SMPD3: variants seen among roughly 807,000 people sequenced by gnomAD.
SMPD3 encodes sphingomyelin phosphodiesterase 3.
SMPD3 carries 21 observed loss-of-function variants against 55.7 expected under a neutral mutation model. That is an observed-to-expected ratio of 0.38 (90% confidence interval 0.27 to 0.54). SMPD3 has a LOEUF of 0.54. Among genes scored for constraint, SMPD3 ranks in the 20% least tolerant of loss-of-function variants. SMPD3 has a pLI of 0.80. For missense variants in SMPD3, 842 were observed against 899.6 expected, an observed-to-expected ratio of 0.94 and a Z score of 0.82; for synonymous variants, 457 against 404.3, an observed-to-expected ratio of 1.13 and a Z score of -1.56.
intron 1 of SMPD3, among the ~76,000 whole-genome samples, chr16:68,390,224 C>T (rs2090098936): frequency 6.6e-6 from 1 of 152,208 alleles, no homozygotes; most frequent in African/African-American, 2.4e-5. Flanking sequence ...ATATAATGAG[C>T]AGTGAGGACA....
intron 2 of SMPD3, among the ~76,000 whole-genome samples, chr16:68,374,237 GT>G (rs2089750408): frequency 6.6e-6 from 1 of 152,242 alleles, no homozygotes; most frequent in Non-Finnish European, 1.5e-5. Flanking sequence ...AACCCGAGGT[GT>G]GCGGAGGGGG....
At position 68,371,605 on chromosome 16, in the gene SMPD3, C is replaced by A; in HGVS notation, c.577G>T (p.Gly193Cys). The stretch of plus-strand genomic sequence containing the variant: ...GGGACGGCCCGGGCCACCCCATCGC[C>A]GCCCTGTGGTGACACCAGGCTGCTG... Reference protein sequence around the residue: ...SFSSLVSPQGGDGVARAVPGS... With the variant: ...SFSSLVSPQGCDGVARAVPGS... Residue 193 changes from glycine to cysteine, a missense_variant, in exon 3 of 9, where the codon GGC becomes TGC. By Grantham distance (159) the Gly-to-Cys change is radical. Around this residue, in one of 2 missense-constraint regions of SMPD3, gnomAD observed 649 missense variants for 643.6 expected, o/e 1.01. Coordinates refer to ENST00000219334, the MANE Select transcript of SMPD3 (RefSeq NM_018667.4). The A allele has an allele frequency of 6.4e-7, 1 of 1,567,416 alleles. No homozygotes were observed. Among genetic ancestry groups the A allele is most frequent in the Admixed American group, 1.9e-5 (1 of 53,386 alleles).
At chr16:68,363,374 T>A (rs2089373411) in intron 7 of SMPD3, 122 bp downstream of exon 7, 1 of 1,094,360 alleles carries the variant, frequency 9.1e-7, no homozygotes, top group African/African-American at 1.5e-5. Context: ...GAGGGACAGG[T>A]TTCTGCCAAA....
intron 2 of SMPD3, among the ~76,000 whole-genome samples, chr16:68,373,946 C>T (rs2089742067): frequency 1.3e-5 from 2 of 152,234 alleles, no homozygotes; most frequent in Non-Finnish European, 2.9e-5. Flanking sequence ...CTTAGAAATT[C>T]CCTCCTTAGA....
chr16:68,392,522 G>C (rs926466974), intron 1 of SMPD3, among the ~76,000 whole-genome samples: 8 of 152,152 alleles, frequency 5.3e-5, no homozygotes, highest in Non-Finnish European at 8.8e-5. Flanking sequence ...TTTAAAGGTG[G>C]TCATAAGGAT....
chr16:68,365,310 G>A (rs538372856), intron 3 of SMPD3, among the ~76,000 whole-genome samples: 16 of 152,264 alleles, frequency 1.1e-4, no homozygotes, highest in East Asian at 5.8e-4. Flanking sequence ...GGCCTGTGGC[G>A]TGGGGAGTGC....
intron 5 of SMPD3, 78 bp downstream of exon 5, chr16:68,364,673 A>G: frequency 2.0e-6 from 3 of 1,486,448 alleles, no homozygotes; most frequent in Non-Finnish European, 2.7e-6. Flanking sequence ...GAGCTGCCTA[A>G]CGAAGTCTGT....
chr16:68,370,778 ACTC>A (rs2089640410), intron 3 of SMPD3, 78 bp downstream of exon 3: 1 of 1,548,638 alleles, frequency 6.5e-7, no homozygotes, highest in Non-Finnish European at 8.7e-7. Context: ...GACGATGAGG[ACTC>A]CCCGCTGCAG....
In SMPD3 at chr16:68,365,028, T is replaced by C. The variant is rs1348177164; in HGVS notation, c.1388A>G (p.His463Arg). ...GGCGGCAACCCTACCTTGCGGGGCA[T>C]GCAGGTGTGTGCAGGCGATGTACCC... ...IVGYIACTHL[H>R]APQEDSAIRC... The change falls in exon 4 of 9, where the codon CAT becomes CGT. Residue 463 changes from histidine to arginine, a missense_variant. Around this residue, in one of 2 missense-constraint regions of SMPD3, gnomAD observed 649 missense variants for 643.6 expected, o/e 1.01. Transcript: ENST00000219334. The C allele has an allele frequency of 1.2e-6, 2 of 1,614,114 alleles. No homozygotes were observed. Among genetic ancestry groups the C allele is most frequent in the Non-Finnish European group, 8.5e-7 (1 of 1,179,996 alleles).
At position 68,371,549 on chromosome 16, in the gene SMPD3, C is replaced by A; in HGVS notation, c.633G>T (p.Glu211Asp). The A allele has an allele frequency of 6.2e-7, 1 of 1,601,450 alleles. No individual in the cohort carries two copies. The highest frequency in any genetic ancestry group is 8.5e-7 in the Non-Finnish European group (1 of 1,177,958). The change falls in exon 3 of 9, where the codon GAG becomes GAT. Residue 211 changes from glutamate to aspartate, a missense_variant. Coordinates refer to ENST00000219334, the MANE Select transcript of SMPD3 (RefSeq NM_018667.4). ...GGTGCCGCCCACCGTCACCCTTGTA[C>A]TCCACAGAGGCTGTCCTCTTAATGC... is the stretch of plus-strand genomic sequence containing the variant. ...PGSIKRTASV[E>D]YKGDGGRHPG...
chr16:68,372,473 C>T (rs1231502421), intron 2 of SMPD3, 86 bp from the exon 3 acceptor site: 1 of 481,850 alleles, frequency 2.1e-6, no homozygotes, highest in Admixed American at 3.5e-5. Context: ...GCTCATCCCA[C>T]TCCTGCTTCC....
intron 1 of SMPD3, among the ~76,000 whole-genome samples, chr16:68,430,173 C>T (rs1039636134): frequency 3.3e-5 from 5 of 152,088 alleles, no homozygotes; most frequent in Non-Finnish European, 5.9e-5. Flanking sequence ...GCAGCAAAAG[C>T]TGCCCTCCCT....
chr16:68,448,106 T>C (rs373393308), intron 1 of SMPD3, among the ~76,000 whole-genome samples: 28 of 152,048 alleles, frequency 1.8e-4, no homozygotes, highest in Non-Finnish European at 3.2e-4. Context: ...CCAGGAGAGA[T>C]GGGGGGTGGG....
chr16:68,364,217 C>G (rs552989536), intron 5 of SMPD3, among the ~76,000 whole-genome samples: 1 of 152,356 alleles, frequency 6.6e-6, no homozygotes, highest in African/African-American at 2.4e-5. Flanking sequence ...TGCTGTTTCA[C>G]TGATGACGAG....
At position 68,359,727 on chromosome 16, in the gene SMPD3, G is replaced by C. The variant is rs376384938; in HGVS notation, c.*1479C>G. The C allele has an allele frequency of 6.6e-6, 1 of 152,620 alleles. No individual in the cohort carries two copies. The highest frequency in any genetic ancestry group is 2.4e-5 in the African/African-American group (1 of 41,456). The allele number at this position is 152,620 out of a possible 1,614,324, so 9.5% of individuals were successfully genotyped here. A position where few individuals can be genotyped will look rare whatever the true frequency, so the allele number is the denominator to read the frequency against. On this transcript the variant is annotated 3_prime_UTR_variant, in exon 9 of 9. Transcript: ENST00000219334. ...GGCGCCACGAGGAGCGGAGGTCAGC[G>C]GGGATTGTCAAAAACAGTCCCTCAA...
intron 5 of SMPD3, chr16:68,364,533 T>G: frequency 1.7e-6 from 1 of 573,172 alleles, no homozygotes; most frequent in South Asian, 2.7e-5. Flanking sequence ...GAGGTTCGTT[T>G]TTAGGGCATC....
In SMPD3 at chr16:68,372,898, G is replaced by A. The variant is rs535134456; in HGVS notation, c.-206-511C>T. Among the ~76,000 whole-genome samples, 11 of 152,300 alleles carry A rather than the reference G, an allele frequency of 7.2e-5. No homozygotes were observed. In the East Asian group the frequency reaches 2.1e-3, roughly 29 times the overall value. On this transcript the variant is annotated intron_variant, in intron 2 of 8. Transcript: ENST00000219334. ...AGCAGGAAAAAACAGCAGAGCAAAGGGGCCAGAGACTCCTGGAGCAGAGGG... is the reference window on the plus strand; with the variant it reads ...AGCAGGAAAAAACAGCAGAGCAAAGAGGCCAGAGACTCCTGGAGCAGAGGG...
At chr16:68,425,132 G>A (rs1302726360) in intron 1 of SMPD3, among the ~76,000 whole-genome samples, 2 of 152,222 alleles carry the variant, frequency 1.3e-5, no homozygotes, top group African/African-American at 2.4e-5. Context: ...GTGCCTGTGG[G>A]TTGGTAGTCA....
intron 2 of SMPD3, among the ~76,000 whole-genome samples, chr16:68,373,883 C>A (rs965287975): frequency 1.3e-5 from 2 of 152,200 alleles, no homozygotes; most frequent in Non-Finnish European, 2.9e-5. Context: ...CCGTCCCTGC[C>A]TGCCATTCCC....
Sources: allele counts gnomAD v4.1 joint callset (sites outside exome capture counted in the v4.1 genomes callset), GRCh38; gene constraint gnomAD v4.1.1; regional missense constraint gnomAD v4.1.1; transcripts MANE v1.5; gene names NCBI Gene and HGNC (gene_info 2026-07-23, HGNC 2026-07-21).